TNNI3K: variants seen among roughly 807,000 people sequenced by gnomAD.
TNNI3K encodes the protein serine/threonine-protein kinase TNNI3K.
In TNNI3K, 140 loss-of-function variants were observed where a neutral mutation model predicts 114.5. The ratio of observed to expected loss-of-function variants is 1.22; its 90% CI spans 1.07 to 1.41. The LOEUF is 1.41. TNNI3K is among the 40% of genes most tolerant of loss of function. The probability of loss-of-function intolerance (pLI) is 0.00; values close to 1 mark genes in which losing one functional copy is unlikely to be tolerated. For synonymous variants in TNNI3K, 347 were observed against 347.5 expected (o/e 1.00, Z 0.02); for missense variants, 1,125 against 1,007.6 (o/e 1.12, Z -1.58).
intron 5 of TNNI3K, among the ~76,000 whole-genome samples, chr1:74,300,612 C>T (rs1658266195): frequency 6.6e-6 from 1 of 152,166 alleles, no homozygotes; most frequent in Non-Finnish European, 1.5e-5. Context: ...TTAGTAAAGA[C>T]CATTCTCCCA....
At position 74,367,821 on chromosome 1, in the gene TNNI3K, G is replaced by A. The variant is rs187933438; in HGVS notation, c.1265-87G>A. ...TGAAGCGATAGTTTTACTTCGTTTCGTCACCTGCTTATTTTTATAATGTTG... is the reference window on the plus strand; with the variant it reads ...TGAAGCGATAGTTTTACTTCGTTTCATCACCTGCTTATTTTTATAATGTTG... On this transcript the variant is annotated intron_variant, in intron 12 of 24. Coordinates refer to ENST00000326637, the MANE Select transcript of TNNI3K (RefSeq NM_015978.3). 985 of 1,296,964 alleles carry A rather than the reference G, an allele frequency of 7.6e-4. 13 individuals are homozygous for A. The East Asian group carries it at 0.022, about 29-fold the overall frequency. The allele number at this position is 1,296,964 out of a possible 1,614,324, so 80.3% of individuals were successfully genotyped here.
At chr1:74,315,269 C>T (rs1659245486) in intron 5 of TNNI3K, among the ~76,000 whole-genome samples, 1 of 152,076 alleles carries the variant, frequency 6.6e-6, no homozygotes, top group Non-Finnish European at 1.5e-5. Flanking sequence ...CATTATTAGT[C>T]TAGTTTAAAT....
intron 23 of TNNI3K, among the ~76,000 whole-genome samples, chr1:74,538,340 G>A (rs958104908): frequency 6.6e-6 from 1 of 151,970 alleles, no homozygotes; most frequent in Non-Finnish European, 1.5e-5. Context: ...AGACCCTTTG[G>A]GGGGAGTATT....
At chr1:74,509,982 G>T (rs1416193187) in intron 23 of TNNI3K, among the ~76,000 whole-genome samples, 3 of 151,914 alleles carry the variant, frequency 2.0e-5, no homozygotes, top group African/African-American at 2.4e-5. Context: ...TTGAATTCCT[G>T]AATTCAAGCG....
chr1:74,542,250 A>T (rs1195617622), intron 24 of TNNI3K, among the ~76,000 whole-genome samples: 1 of 152,180 alleles, frequency 6.6e-6, no homozygotes, highest in Admixed American at 6.6e-5. Context: ...TTTCCATTGG[A>T]GTCCTGTGGG....
At chr1:74,406,571 T>C (rs1664624456) in intron 17 of TNNI3K, among the ~76,000 whole-genome samples, 1 of 152,160 alleles carries the variant, frequency 6.6e-6, no homozygotes, top group African/African-American at 2.4e-5. Flanking sequence ...GAAAGTTCTA[T>C]GTTTTTAAGG....
intron 5 of TNNI3K, among the ~76,000 whole-genome samples, chr1:74,317,452 G>T (rs570013946): frequency 1.3e-5 from 2 of 152,306 alleles, no homozygotes; most frequent in South Asian, 4.1e-4. Flanking sequence ...ATAAGAAGCT[G>T]GGGTACAGAG....
intron 20 of TNNI3K, among the ~76,000 whole-genome samples, chr1:74,444,313 C>T (rs901826278): frequency 6.6e-6 from 1 of 151,862 alleles, no homozygotes; most frequent in Non-Finnish European, 1.5e-5. Context: ...ACCTATTAAG[C>T]TTTAAGCAAT....
intron 18 of TNNI3K, 122 bp downstream of exon 18, chr1:74,436,254 C>T: frequency 7.7e-7 from 1 of 1,298,882 alleles, no homozygotes; most frequent in East Asian, 2.4e-5. Context: ...TGAACACTGA[C>T]AGCTATCCTA....
intron 23 of TNNI3K, among the ~76,000 whole-genome samples, chr1:74,518,353 C>T (rs1225672094): frequency 6.6e-6 from 1 of 152,108 alleles, no homozygotes; most frequent in Non-Finnish European, 1.5e-5. Context: ...TTACTGTTCA[C>T]TCCTTTCATT....
At chr1:74,268,003 CATAA>C (rs1295823097) in intron 4 of TNNI3K, among the ~76,000 whole-genome samples, 13 of 151,832 alleles carry the variant, frequency 8.6e-5, no homozygotes, top group Non-Finnish European at 1.8e-4. Flanking sequence ...CAGTGCTTGT[CATAA>C]AATAGACATT....
At chr1:74,409,814 A>G (rs549928659) in intron 17 of TNNI3K, among the ~76,000 whole-genome samples, 50 of 152,172 alleles carry the variant, frequency 3.3e-4, no homozygotes, top group Admixed American at 5.2e-4. Context: ...ATTTATTATT[A>G]CATTTGTGCA....
chr1:74,360,077 A>C (rs937229591), intron 11 of TNNI3K, among the ~76,000 whole-genome samples: 2 of 151,906 alleles, frequency 1.3e-5, no homozygotes, highest in Non-Finnish European at 2.9e-5. Context: ...TAATAAGTAC[A>C]TTTTTAATCC....
chr1:74,404,280 A>G lies in TNNI3K; in HGVS notation c.1773-31800A>G, dbSNP rs45588633. 6.0e-3 allele frequency among the ~76,000 whole-genome samples: 915 copies of G among 152,236 alleles called. 9 individuals carry two copies. Among genetic ancestry groups the G allele is most frequent in the African/African-American group, 0.021 (853 of 41,552 alleles). Reference sequence around the variant, plus strand: ...CACAACCTTAGGAAATATTGGCTCAATATTGCTGTATGAGTTGTTTTTTGT... The same window carrying G: ...CACAACCTTAGGAAATATTGGCTCAGTATTGCTGTATGAGTTGTTTTTTGT... On this transcript the variant is annotated intron_variant, in intron 17 of 24. Coordinates refer to ENST00000326637, the MANE Select transcript of TNNI3K (RefSeq NM_015978.3).
rs539056878 is a variant in TNNI3K at position 74,311,047 on chromosome 1, A to T, written c.445-20403A>T. Among the ~76,000 whole-genome samples the T allele has an allele frequency of 3.3e-5, 5 of 152,264 alleles. No individual in the cohort carries two copies. The East Asian group carries it at 9.6e-4, about 29-fold the overall frequency. On this transcript the variant is annotated intron_variant, in intron 5 of 24. Coordinates refer to ENST00000326637, the MANE Select transcript of TNNI3K (RefSeq NM_015978.3). ...GTTAAACATTATTTCTCTTAAAGAT[A>T]TATGTTTCAAATTGTAAATCAGCTT...
chr1:74,503,083 G>A (rs147812891), intron 23 of TNNI3K, among the ~76,000 whole-genome samples: 263 of 152,004 alleles, frequency 1.7e-3, no homozygotes, highest in African/African-American at 5.9e-3. Flanking sequence ...CTCATTAAAC[G>A]TACTCTCCAC....
chr1:74,533,931 A>G (rs1184840505), intron 23 of TNNI3K, among the ~76,000 whole-genome samples: 1 of 152,138 alleles, frequency 6.6e-6, no homozygotes, highest in Non-Finnish European at 1.5e-5. Flanking sequence ...AAGTCTGAAA[A>G]ACTTTTGTTC....
rs551207410 is a variant in TNNI3K at position 74,430,335 on chromosome 1, ATTAAT to A, written c.1773-5743_1773-5739del. 2.3e-3 allele frequency among the ~76,000 whole-genome samples: 349 copies of A among 152,276 alleles called. 2 individuals are homozygous for A. The highest frequency in any genetic ancestry group is 3.5e-3 in the Non-Finnish European group (236 of 68,000). Reference sequence around the variant, plus strand: ...GATCCTTACATAATGACTTCATTAAATTAATTCAATTCTGAGGTTGGGGAAAATTT... The same window carrying A: ...GATCCTTACATAATGACTTCATTAAATCAATTCTGAGGTTGGGGAAAATTT... On this transcript the variant is annotated intron_variant, in intron 17 of 24. Transcript: ENST00000326637.
chr1:74,251,016 T>C (rs1654897645), intron 4 of TNNI3K, among the ~76,000 whole-genome samples: 2 of 152,104 alleles, frequency 1.3e-5, no homozygotes. Context: ...GTGAATATGA[T>C]TATTATCCCC....
Sources: allele counts gnomAD v4.1 joint callset (sites outside exome capture counted in the v4.1 genomes callset), GRCh38; gene constraint gnomAD v4.1.1; transcripts MANE v1.5; gene names NCBI Gene and HGNC (gene_info 2026-07-23, HGNC 2026-07-21).